The following CLVS1 variants were observed in gnomAD, a reference collection of about 807,000 sequenced individuals.
CLVS1 encodes the protein clavesin-1.
Under a neutral mutation model 33.1 loss-of-function variants are expected in CLVS1, and 10 were observed. That is an observed-to-expected ratio of 0.30 (90% CI 0.19 to 0.51). The LOEUF (loss-of-function observed/expected upper bound fraction) is 0.51, where lower values mean the gene tolerates loss of function less well. Among genes scored for constraint, CLVS1 ranks in the 20% least tolerant of loss-of-function variants. The probability of loss-of-function intolerance (pLI) is 0.97; values close to 1 mark genes in which losing one functional copy is unlikely to be tolerated. For missense variants in CLVS1, 343 were observed against 433.4 expected, an observed-to-expected ratio of 0.79 and a Z score of 1.85; for synonymous variants, 163 against 166.1, an observed-to-expected ratio of 0.98 and a Z score of 0.14.
intron 2 of CLVS1, among the ~76,000 whole-genome samples, chr8:61,273,648 G>C (rs951073976): frequency 2.6e-5 from 4 of 152,180 alleles, no homozygotes; most frequent in Non-Finnish European, 5.9e-5. Flanking sequence ...GCGAGACTCC[G>C]TGGGCGTAGG....
intron 3 of CLVS1, among the ~76,000 whole-genome samples, chr8:61,381,651 C>T (rs1056594084): frequency 6.6e-6 from 1 of 152,110 alleles, no homozygotes; most frequent in African/African-American, 2.4e-5. Context: ...TATGTGTACT[C>T]AGTGTTTAGC....
At chr8:61,357,489 C>CTTTTGTTTTTTTTTTTTTTTTTT (rs1462908906) in intron 2 of CLVS1, among the ~76,000 whole-genome samples, 1 of 30,284 alleles carries the variant, frequency 3.3e-5, no homozygotes, top group Non-Finnish European at 7.4e-5. Context: ...TTTCCTTTTT[C>CTTTTGTTTTTTTTTTTTTTTTTT]TTTTCTTTTT....
chr8:61,122,569 A>AAAC (rs370094310), intron 1 of CLVS1, among the ~76,000 whole-genome samples: 1 of 144,532 alleles, frequency 6.9e-6, no homozygotes, highest in Non-Finnish European at 1.5e-5. Flanking sequence ...ATATTAAGAA[A>AAAC]ACACACACAC....
At chr8:61,342,621 T>C (rs1812065970) in intron 2 of CLVS1, among the ~76,000 whole-genome samples, 1 of 152,212 alleles carries the variant, frequency 6.6e-6, no homozygotes, top group South Asian at 2.1e-4. Flanking sequence ...CAGTTAACCT[T>C]TGGCGAAAAA....
At chr8:61,386,880 G>A (rs1299818016) in intron 3 of CLVS1, among the ~76,000 whole-genome samples, 2 of 152,130 alleles carry the variant, frequency 1.3e-5, no homozygotes, top group African/African-American at 4.8e-5. Context: ...AGTGGAGCAG[G>A]AGAGCAACAA....
chr8:61,235,679 A>G (rs369966819), intron 2 of CLVS1, among the ~76,000 whole-genome samples: 6 of 152,306 alleles, frequency 3.9e-5, no homozygotes, highest in African/African-American at 1.4e-4. Context: ...TATATCAAGG[A>G]AGGAAGTCTG....
chr8:61,075,630 A>C (rs1295511088), intron 1 of CLVS1, among the ~76,000 whole-genome samples: 1 of 152,230 alleles, frequency 6.6e-6, no homozygotes, highest in Non-Finnish European at 1.5e-5. Flanking sequence ...TTGTCTGATA[A>C]ATATGAATGA....
chr8:61,401,622 G>A (rs1585918718), intron 3 of CLVS1, among the ~76,000 whole-genome samples: 1 of 152,120 alleles, frequency 6.6e-6, no homozygotes, highest in Non-Finnish European at 1.5e-5. Flanking sequence ...TGTGAAGATG[G>A]CCATACTGCC....
chr8:61,354,540 G>A (rs1194755640), intron 2 of CLVS1, among the ~76,000 whole-genome samples: 1 of 152,002 alleles, frequency 6.6e-6, no homozygotes, highest in Non-Finnish European at 1.5e-5. Context: ...AATGTTCACA[G>A]CACCTTTGTT....
At chr8:61,411,645 A>G (rs1400234391) in intron 3 of CLVS1, among the ~76,000 whole-genome samples, 4 of 152,226 alleles carry the variant, frequency 2.6e-5, no homozygotes, top group Non-Finnish European at 5.9e-5. Context: ...AAAGAGGGAT[A>G]GTCCTGTCAC....
intron 3 of CLVS1, among the ~76,000 whole-genome samples, chr8:61,386,141 G>T (rs980213875): frequency 1.3e-5 from 2 of 152,148 alleles, no homozygotes; most frequent in Admixed American, 6.5e-5. Flanking sequence ...CTGCAGCAGT[G>T]GTTCTCATAC....
At chr8:61,364,697 A>G (rs538031552) in intron 2 of CLVS1, among the ~76,000 whole-genome samples, 1 of 152,334 alleles carries the variant, frequency 6.6e-6, no homozygotes, top group Admixed American at 6.5e-5. Context: ...CATATTTTTC[A>G]GGGTTCAGAT....
At chr8:61,057,974 A>T (rs1469147408) in intron 1 of CLVS1, among the ~76,000 whole-genome samples, 1 of 152,216 alleles carries the variant, frequency 6.6e-6, no homozygotes, top group Non-Finnish European at 1.5e-5. Flanking sequence ...GGTCCCATTG[A>T]GGCTAATGAT....
rs146791641 is a variant in CLVS1 at position 61,214,446 on chromosome 8, C to T, written c.-152+82586C>T. Among the ~76,000 whole-genome samples the T allele has an allele frequency of 9.8e-3, 1,495 of 152,062 alleles. 24 individuals are homozygous for T. The highest frequency in any genetic ancestry group is 0.032 in the African/African-American group (1,335 of 41,438). On this transcript the variant is annotated intron_variant, in intron 2 of 2. Coordinates refer to the CLVS1 transcript ENST00000522621. ...TCCCTTTATTTCTCAAGCTGGCTGACGCTTAAGGAAAATAGAAAAGAACCT... is the reference window on the plus strand; with the variant it reads ...TCCCTTTATTTCTCAAGCTGGCTGATGCTTAAGGAAAATAGAAAAGAACCT...
At chr8:61,107,383 T>A (rs1368654311) in intron 1 of CLVS1, among the ~76,000 whole-genome samples, 3 of 152,220 alleles carry the variant, frequency 2.0e-5, no homozygotes, top group Non-Finnish European at 4.4e-5. Context: ...GGCTGGCAAG[T>A]CCAAGATCAA....
chr8:61,147,350 A>G (rs548897068), intron 2 of CLVS1, among the ~76,000 whole-genome samples: 1 of 152,322 alleles, frequency 6.6e-6, no homozygotes, highest in East Asian at 1.9e-4. Context: ...CTTGGAAGTT[A>G]GGAGAGGTGG....
chr8:61,411,272 A>G lies in CLVS1; in HGVS notation c.630+34493A>G, dbSNP rs190811513. On this transcript the variant is annotated intron_variant, in intron 3 of 5. Coordinates refer to ENST00000325897, the MANE Select transcript of CLVS1 (RefSeq NM_173519.3). Reference sequence around the variant, plus strand: ...CAGAGGTTGTTGCTTGGCTTTGAGCAAAGCACTGAATTCCTCCTGTCTGCA... The same window carrying G: ...CAGAGGTTGTTGCTTGGCTTTGAGCGAAGCACTGAATTCCTCCTGTCTGCA... Among the ~76,000 whole-genome samples, 247 of 152,370 alleles carry G rather than the reference A, an allele frequency of 1.6e-3. 1 individual carries two copies. Among genetic ancestry groups the G allele is most frequent in the African/African-American group, 5.5e-3 (228 of 41,596 alleles).
chr8:61,215,335 A>T (rs1279881811), intron 2 of CLVS1, among the ~76,000 whole-genome samples: 1 of 152,210 alleles, frequency 6.6e-6, no homozygotes, highest in African/African-American at 2.4e-5. Context: ...GTAGCATTAA[A>T]TTTACTGCTC....
At chr8:61,103,245 G>A (rs144875658) in intron 1 of CLVS1, among the ~76,000 whole-genome samples, 1 of 152,256 alleles carries the variant, frequency 6.6e-6, no homozygotes, top group African/African-American at 2.4e-5. Context: ...TGAAGATCTA[G>A]GTGTAAATGA....
Sources: allele counts gnomAD v4.1 joint callset (sites outside exome capture counted in the v4.1 genomes callset), GRCh38; gene constraint gnomAD v4.1.1; transcripts MANE v1.5; gene names NCBI Gene and HGNC (gene_info 2026-07-23, HGNC 2026-07-21).